PLSCR2: variants seen among roughly 807,000 people sequenced by gnomAD.
The protein encoded by PLSCR2 is phospholipid scramblase 2, also known as PL scramblase 2.
PLSCR2 carries 18 observed loss-of-function variants against 25.3 expected under a neutral mutation model. That is an observed-to-expected ratio of 0.71 (90% CI 0.49 to 1.06). The LOEUF (loss-of-function observed/expected upper bound fraction) is 1.06, where lower values mean the gene tolerates loss of function less well. PLSCR2 is among the 50% of genes least tolerant of loss of function. The pLI, the probability that PLSCR2 is intolerant of heterozygous loss-of-function variation, is 0.00. For synonymous variants in PLSCR2, 88 were observed against 87.3 expected (o/e 1.01, Z -0.04); for missense variants, 243 against 269.5 (o/e 0.90, Z 0.69).
intron 2 of PLSCR2, chr3:146,398,840 A>G (rs1283963063): frequency 1.3e-5 from 2 of 152,290 alleles, no homozygotes; most frequent in South Asian, 2.1e-4. Context: ...GATTGAAAAT[A>G]TAATATTGAT....
At chr3:146,409,858 C>T (rs937711169) in intron 2 of PLSCR2, among the ~76,000 whole-genome samples, 3 of 152,094 alleles carry the variant, frequency 2.0e-5, no homozygotes, top group Non-Finnish European at 2.9e-5. Flanking sequence ...CCCTGGGGGG[C>T]TGGAGTATTG....
chr3:146,495,701 T>A (rs1410626337), intron 1 of PLSCR2, among the ~76,000 whole-genome samples: 1 of 152,178 alleles, frequency 6.6e-6, no homozygotes. Flanking sequence ...CCAGTTTCTG[T>A]TATTATAAGT....
chr3:146,434,050 G>A (rs1206567619), intron 8 of PLSCR2, among the ~76,000 whole-genome samples: 3 of 152,128 alleles, frequency 2.0e-5, no homozygotes, highest in Non-Finnish European at 4.4e-5. Flanking sequence ...ATGCCTTTAA[G>A]TTTCTGACAG....
In PLSCR2 at chr3:146,459,453, C is replaced by T. The variant is rs1417767787; in HGVS notation, c.57+395G>A. Reference sequence around the variant, plus strand: ...TAATCCTTGGTAATTTATATAACTGCTCTGGACCTCAGTTTCCTCTTGTGT... The same window carrying T: ...TAATCCTTGGTAATTTATATAACTGTTCTGGACCTCAGTTTCCTCTTGTGT... On this transcript the variant is annotated intron_variant, in intron 2 of 6. Coordinates refer to ENST00000610787, the Ensembl canonical transcript of PLSCR2. Among the ~76,000 whole-genome samples, 3 of 152,280 alleles carry T rather than the reference C, an allele frequency of 2.0e-5. No homozygotes were observed. In the East Asian group the frequency reaches 5.8e-4, roughly 29 times the overall value.
chr3:146,469,290 C>T (rs898559508), intron 1 of PLSCR2: 3 of 985,588 alleles, frequency 3.0e-6, no homozygotes, highest in South Asian at 4.7e-5. Context: ...GTCATTCGAA[C>T]GGTTCTGGTG....
chr3:146,455,107 G>C lies in PLSCR2; in HGVS notation c.321+132C>G, dbSNP rs373753562. On this transcript the variant is annotated intron_variant, in intron 4 of 6. Transcript: ENST00000610787. ...TACTTGCCTTCCTTCTTATACAATT[G>C]ATTTGGAAGCCCAAACATATAGCTC... 1.4e-5 allele frequency: 9 copies of C among 642,000 alleles called. No homozygotes were observed. In the African/African-American group the frequency reaches 1.5e-4, roughly 10 times the overall value. 39.8% of individuals were successfully genotyped at this position (642,000 alleles called of 1,614,324 possible). A position where few individuals can be genotyped will look rare whatever the true frequency, so the allele number is the denominator to read the frequency against.
chr3:146,410,024 T>C (rs1476970986), intron 2 of PLSCR2, among the ~76,000 whole-genome samples: 1 of 151,974 alleles, frequency 6.6e-6, no homozygotes, highest in Non-Finnish European at 1.5e-5. Context: ...TCATTTTCCT[T>C]CTAGACCTGT....
chr3:146,459,382 G>C (rs1338178007), intron 2 of PLSCR2, among the ~76,000 whole-genome samples: 1 of 152,158 alleles, frequency 6.6e-6, no homozygotes, highest in Non-Finnish European at 1.5e-5. Context: ...GCAGAATCCA[G>C]AATCAGGGTG....
chr3:146,410,529 C>T (rs2038812279), intron 2 of PLSCR2, among the ~76,000 whole-genome samples: 1 of 152,182 alleles, frequency 6.6e-6, no homozygotes, highest in Non-Finnish European at 1.5e-5. Context: ...CCTGACTTGC[C>T]TCTGGCAGAA....
intron 1 of PLSCR2, among the ~76,000 whole-genome samples, chr3:146,467,090 G>A (rs1013257481): frequency 2.6e-5 from 4 of 152,258 alleles, no homozygotes; most frequent in African/African-American, 9.6e-5. Flanking sequence ...CACTGTTCAA[G>A]GCAGTGCTAT....
chr3:146,442,734 T>C (rs1429883562), intron 6 of PLSCR2, among the ~76,000 whole-genome samples: 1 of 151,990 alleles, frequency 6.6e-6, no homozygotes, highest in Non-Finnish European at 1.5e-5. Context: ...TAAATAATGG[T>C]GTTTTGAAGA....
chr3:146,484,102 T>C (rs1341561529), intron 1 of PLSCR2, among the ~76,000 whole-genome samples: 1 of 151,718 alleles, frequency 6.6e-6, no homozygotes, highest in Non-Finnish European at 1.5e-5. Flanking sequence ...ATAAATGACC[T>C]GATGGAGCTG....
At chr3:146,396,897 CT>C (rs1334431508) in intron 2 of PLSCR2, among the ~76,000 whole-genome samples, 3 of 152,146 alleles carry the variant, frequency 2.0e-5, no homozygotes, top group African/African-American at 7.2e-5. Context: ...AATATCTTAT[CT>C]CTTATACTAC....
At chr3:146,459,784 A>C (rs923216055) in intron 2 of PLSCR2, 64 bp downstream of exon 2, 2 of 1,165,264 alleles carry the variant, frequency 1.7e-6, no homozygotes, top group African/African-American at 1.5e-5. Flanking sequence ...CATAATTACT[A>C]TGGTTCATAA....
At chr3:146,413,235 A>G (rs755790979) in intron 2 of PLSCR2, among the ~76,000 whole-genome samples, 13 of 152,070 alleles carry the variant, frequency 8.5e-5, no homozygotes, top group Non-Finnish European at 1.5e-4. Flanking sequence ...CTTCAAGGCC[A>G]TTCTCCCATT....
At chr3:146,432,525 A>G (rs181478690), downstream of PLSCR2, among the ~76,000 whole-genome samples, 77 of 152,322 alleles carry the variant, frequency 5.1e-4, no homozygotes, top group African/African-American at 1.7e-3. Flanking sequence ...AAGACACCAT[A>G]TCTGTATAAG....
chr3:146,477,958 G>C (rs940250610), intron 1 of PLSCR2, among the ~76,000 whole-genome samples: 1 of 152,162 alleles, frequency 6.6e-6, no homozygotes, highest in African/African-American at 2.4e-5. Flanking sequence ...GTAATACCCA[G>C]GCAAACAGCG....
intron 3 of PLSCR2, among the ~76,000 whole-genome samples, chr3:146,456,742 A>G (rs2041244121): frequency 6.6e-6 from 1 of 152,204 alleles, no homozygotes; most frequent in African/African-American, 2.4e-5. Flanking sequence ...CTGAGTAATC[A>G]TCTTTTTATA....
intron 1 of PLSCR2, among the ~76,000 whole-genome samples, chr3:146,465,609 T>G (rs903943568): frequency 2.0e-5 from 3 of 151,130 alleles, no homozygotes; most frequent in African/African-American, 7.3e-5. Context: ...AAACAGTTCA[T>G]ATTCTTCTCA....
Sources: allele counts gnomAD v4.1 joint callset (sites outside exome capture counted in the v4.1 genomes callset), GRCh38; gene constraint gnomAD v4.1.1; transcripts MANE v1.5; gene names NCBI Gene and HGNC (gene_info 2026-07-23, HGNC 2026-07-21).